The following ADISSP variants were observed in gnomAD, a reference collection of about 807,000 sequenced individuals.
The protein encoded by ADISSP is adipose-secreted signaling protein.
the ADISSP span, chr20:3,754,211 C>T: frequency 1.3e-5 from 20 of 1,547,208 alleles, no homozygotes; most frequent in Middle Eastern, 1.8e-4. Flanking sequence ...CCCACCCATG[C>T]GGCCCACTAA....
the ADISSP span, among the ~76,000 whole-genome samples, chr20:3,764,585 G>A: frequency 6.6e-6 from 1 of 152,292 alleles, no homozygotes; most frequent in Middle Eastern, 3.4e-3. Context: ...GCTCTTTTTG[G>A]AATCCCCTTT....
the ADISSP span, among the ~76,000 whole-genome samples, chr20:3,754,954 A>G: frequency 0.42 from 64,569 of 151,954 alleles, 14,502 homozygotes; most frequent in African/African-American, 0.56. Context: ...AAGGTCATGA[A>G]GAGGCTGGTG....
chr20:3,756,427 G>C, the ADISSP span, among the ~76,000 whole-genome samples: 1 of 114,646 alleles, frequency 8.7e-6, no homozygotes, highest in Non-Finnish European at 2.0e-5. Flanking sequence ...TGCTGAGCAG[G>C]GGGGCTGGTG....
At chr20:3,768,066 T>TA in the ADISSP span, 1 of 152,568 alleles carries the variant, frequency 6.6e-6, no homozygotes, top group Non-Finnish European at 1.5e-5. Context: ...GCCTGGGGGA[T>TA]AGCGCCTCTA....
the ADISSP span, chr20:3,755,329 T>C: frequency 4.1e-6 from 3 of 733,540 alleles, no homozygotes; most frequent in African/African-American, 1.7e-5. Context: ...GGACCTGCCA[T>C]GCTGCCACAG....
chr20:3,758,606 T>C, the ADISSP span: 3 of 1,613,860 alleles, frequency 1.9e-6, no homozygotes, highest in South Asian at 2.2e-5. This position sits in a 1 kb window ranked among gnomAD's most constrained non-coding sequence, Gnocchi z 5.5. Flanking sequence ...CTCATCAAAG[T>C]GGACGTGGCT....
At chr20:3,753,991 G>T in the ADISSP span, 2 of 1,240,088 alleles carry the variant, frequency 1.6e-6, no homozygotes, top group African/African-American at 1.5e-5. Context: ...ACACCATCAC[G>T]CAGCATGTCG....
the ADISSP span, among the ~76,000 whole-genome samples, chr20:3,765,495 G>A: frequency 4.3e-3 from 650 of 152,306 alleles, 3 homozygotes; most frequent in African/African-American, 0.015. Flanking sequence ...TCCTTCCAGG[G>A]TTTGCTGCAA....
the ADISSP span, chr20:3,768,175 C>T: frequency 2.0e-5 from 3 of 152,488 alleles, no homozygotes; most frequent in African/African-American, 7.2e-5. Context: ...CGAAGGTGGC[C>T]TTTCTCCCTG....
the ADISSP span, chr20:3,768,068 G>A: frequency 6.6e-6 from 1 of 152,640 alleles, no homozygotes; most frequent in African/African-American, 2.4e-5. Context: ...CTGGGGGATA[G>A]CGCCTCTAGC....
chr20:3,754,089 G>A, the ADISSP span: 1 of 1,613,530 alleles, frequency 6.2e-7, no homozygotes, highest in East Asian at 2.2e-5. Context: ...GCTGTGCTCT[G>A]AGTCGTATTC....
chr20:3,757,327 A>AT, the ADISSP span, among the ~76,000 whole-genome samples: 2 of 151,984 alleles, frequency 1.3e-5, no homozygotes, highest in African/African-American at 4.8e-5. Context: ...TCCAGCCTGG[A>AT]GACAGCAAGA....
the ADISSP span, among the ~76,000 whole-genome samples, chr20:3,766,651 G>C: frequency 6.6e-6 from 1 of 152,190 alleles, no homozygotes; most frequent in Non-Finnish European, 1.5e-5. Context: ...GGCCAGGCTG[G>C]ATCCAGGGGG....
the ADISSP span, chr20:3,754,175 A>G: frequency 1.3e-6 from 2 of 1,599,128 alleles, no homozygotes; most frequent in Non-Finnish European, 1.7e-6. Context: ...GGCAGGGTGC[A>G]AGTCAGTGCC....
At chr20:3,756,575 C>T in the ADISSP span, among the ~76,000 whole-genome samples, 9 of 152,202 alleles carry the variant, frequency 5.9e-5, no homozygotes, top group Non-Finnish European at 1.0e-4. Context: ...AGAGTTTTAG[C>T]CATTCAATGG....
chr20:3,766,656 A>AG, the ADISSP span, among the ~76,000 whole-genome samples: 1 of 152,180 alleles, frequency 6.6e-6, no homozygotes, highest in African/African-American at 2.4e-5. Context: ...GGCTGGATCC[A>AG]GGGGGTCAGC....
chr20:3,754,421 C>G, the ADISSP span: 34 of 1,614,010 alleles, frequency 2.1e-5, no homozygotes, highest in East Asian at 3.6e-4. Context: ...TGCACCGTCA[C>G]GCGCACACAG....
At chr20:3,758,743 C>A in the ADISSP span, 1 of 1,503,558 alleles carries the variant, frequency 6.7e-7, no homozygotes, top group South Asian at 1.2e-5. The surrounding 1 kb of genome is among the most constrained non-coding windows in gnomAD (Gnocchi z 5.5). Context: ...CCCCCTTGTC[C>A]CCTCGTCACC....
At chr20:3,754,757 A>G in the ADISSP span, among the ~76,000 whole-genome samples, 2 of 152,244 alleles carry the variant, frequency 1.3e-5, no homozygotes, top group Admixed American at 6.5e-5. Context: ...GGCCACCCCA[A>G]TGTGGCTCCA....
Sources: gnomAD v4.1 joint callset for allele counts (sites outside exome capture counted in the v4.1 genomes callset) on GRCh38, gnomAD v4.1.1 for gene constraint, Gnocchi (gnomAD v3.1) non-coding constraint, MANE v1.5 for transcripts, NCBI Gene and HGNC (gene_info 2026-07-23, HGNC 2026-07-21) for gene names.